Variants in ZBTB21 observed in about 807,000 individuals in gnomAD.
ZBTB21 encodes zinc finger and BTB domain containing 21.
A neutral mutation model predicts 39.8 loss-of-function variants in ZBTB21; 10 were observed. The observed-to-expected ratio is 0.25, with a 90% CI of 0.16 to 0.43. The LOEUF is 0.43. ZBTB21 is among the 20% of genes least tolerant of loss of function. The pLI, the probability that ZBTB21 is intolerant of heterozygous loss-of-function variation, is 1.00. For synonymous variants in ZBTB21, 551 were observed against 498.8 expected (o/e 1.10, Z -1.40); for missense variants, 1,221 against 1,296.3 (o/e 0.94, Z 0.89).
At chr21:41,994,887 A>G (rs423235) in intron 2 of ZBTB21, among the ~76,000 whole-genome samples, 46,857 of 152,002 alleles carry the variant, frequency 0.31, 7,622 homozygotes, top group Middle Eastern at 0.44. Flanking sequence ...TTCTCTTCTC[A>G]TGATAGTAAG....
rs1354325079 is a variant in ZBTB21 at position 41,988,217 on chromosome 21, C to A, written c.*2678G>T. On this transcript the variant is annotated 3_prime_UTR_variant, in exon 3 of 3. Transcript: ENST00000310826. ...CCTTCCTTCTCCCACATAAACGATT[C>A]AGTATCAAGTTCTCAGATTAACAAA... 1 of 152,102 alleles carries A rather than the reference C, an allele frequency of 6.6e-6. No individual in the cohort carries two copies. Among genetic ancestry groups the A allele is most frequent in the Admixed American group, 6.5e-5 (1 of 15,280 alleles). The allele number at this position is 152,102 out of a possible 1,614,324, so 9.4% of individuals were successfully genotyped here.
At chr21:42,008,067 T>C (rs1477949293) in intron 1 of ZBTB21, 1 of 152,294 alleles carries the variant, frequency 6.6e-6, no homozygotes, top group Non-Finnish European at 1.5e-5. Context: ...TGTCCTCACA[T>C]ATTCCCGATT....
intron 2 of ZBTB21, among the ~76,000 whole-genome samples, chr21:42,002,187 A>G (rs73365292): frequency 1.4e-3 from 216 of 152,326 alleles, no homozygotes; most frequent in African/African-American, 4.9e-3. Context: ...GGAGATGCAG[A>G]TCCCTCACCT....
chr21:42,001,113 G>C lies in ZBTB21; in HGVS notation c.-14+1784C>G, dbSNP rs2065811920. Among the ~76,000 whole-genome samples the C allele has an allele frequency of 2.0e-5, 3 of 152,326 alleles. No homozygotes were observed. The South Asian group carries it at 6.2e-4, about 32-fold the overall frequency. Reference sequence around the variant, plus strand: ...TTACAGATGAGAAAACTGAGGCACAGACGGTCAAGTAACATGCTCAACGTC... The same window carrying C: ...TTACAGATGAGAAAACTGAGGCACACACGGTCAAGTAACATGCTCAACGTC... On this transcript the variant is annotated intron_variant, in intron 2 of 2. Coordinates refer to ENST00000310826, the MANE Select transcript of ZBTB21 (RefSeq NM_001098402.2).
chr21:41,992,298 T>C lies in ZBTB21; in HGVS notation c.1798A>G (p.Ile600Val), dbSNP rs746009629. The C allele has an allele frequency of 1.9e-6, 3 of 1,614,250 alleles. No individual in the cohort carries two copies. Among genetic ancestry groups the C allele is most frequent in the East Asian group, 2.2e-5 (1 of 44,884 alleles). Residue 600 changes from isoleucine (I) to valine (V), a missense_variant, in exon 3 of 3, where the codon ATA becomes GTA. By Grantham distance (29) the Ile-to-Val change is conservative. Coordinates refer to ENST00000310826, the MANE Select transcript of ZBTB21 (RefSeq NM_001098402.2). This position sits in a 1 kb window ranked among gnomAD's most constrained non-coding sequence, Gnocchi z 4.1. ...VWTHCQTQHG[I>V]VKNPSPASSS... ...GAGGCTGGTGATGGGTTCTTCACTATGCCGTGTTGGGTCTGACAGTGTGTC... is the reference window on the plus strand; with the variant it reads ...GAGGCTGGTGATGGGTTCTTCACTACGCCGTGTTGGGTCTGACAGTGTGTC...
At position 41,992,062 on chromosome 21, in the gene ZBTB21, C is replaced by G. The variant is rs746169227; in HGVS notation, c.2034G>C (p.Ala678=). The G allele has an allele frequency of 2.5e-6, 4 of 1,614,214 alleles. No individual in the cohort carries two copies. In the East Asian group the frequency reaches 6.7e-5, roughly 27 times the overall value. The change falls in exon 3 of 3, where the codon GCG becomes GCC. Residue 678 remains alanine (A), a synonymous_variant. Coordinates refer to ENST00000310826, the MANE Select transcript of ZBTB21 (RefSeq NM_001098402.2). The surrounding 1 kb of genome is among the most constrained non-coding windows in gnomAD (Gnocchi z 4.1). ...GAYICTYCGK[A]YRFLSQFKQH... is the part of the protein sequence containing the mutation. Reference sequence around the variant, plus strand: ...GCTTAAATTGAGAGAGAAAGCGGTACGCTTTTCCGCAGTAAGTACAAATGT... The same window carrying G: ...GCTTAAATTGAGAGAGAAAGCGGTAGGCTTTTCCGCAGTAAGTACAAATGT...
intron 1 of ZBTB21, among the ~76,000 whole-genome samples, chr21:42,009,003 A>G (rs1425601962): frequency 6.6e-6 from 1 of 152,188 alleles, no homozygotes; most frequent in African/African-American, 2.4e-5. Context: ...TTCTTAAACA[A>G]GGTATGAGGA....
At chr21:42,001,916 C>G (rs553347211) in intron 2 of ZBTB21, among the ~76,000 whole-genome samples, 13 of 152,340 alleles carry the variant, frequency 8.5e-5, no homozygotes, top group African/African-American at 3.1e-4. Flanking sequence ...GCTGGCTGGG[C>G]TGCAGTACAT....
Position 41,993,050 on chromosome 21 carries a change from T to A in ZBTB21, c.1046A>T (p.Gln349Leu), listed in dbSNP as rs748660139. The change falls in exon 3 of 3, where the codon CAG (glutamine) becomes CTG (leucine). Residue 349 changes from glutamine (Q) to leucine (L), a missense_variant. Transcript: ENST00000310826. ...TATGGAAGGTGAATAGACAGGAACC[T>A]GGCTATCCATCGACAATGACCGTCT... is the stretch of plus-strand genomic sequence containing the variant. ...LLRRSLSMDS[Q>L]VPVYSPSIDL... is the part of the protein sequence containing the mutation. 19 of 1,614,258 alleles carry A rather than the reference T, an allele frequency of 1.2e-5. No individual in the cohort carries two copies. The highest frequency in any genetic ancestry group is 1.7e-6 in the Non-Finnish European group (2 of 1,180,052).
chr21:41,998,606 G>C (rs2146312135), intron 2 of ZBTB21, among the ~76,000 whole-genome samples: 1 of 152,230 alleles, frequency 6.6e-6, no homozygotes, highest in Non-Finnish European at 1.5e-5. Flanking sequence ...TCTCTAGCGG[G>C]CAAACTGTAG....
In ZBTB21 at chr21:41,993,067, T is replaced by G. The variant is rs761386141; in HGVS notation, c.1029A>C (p.Ser343=). 3.3e-5 allele frequency: 54 copies of G among 1,614,212 alleles called. No individual in the cohort carries two copies. The South Asian group carries it at 5.9e-4, about 18-fold the overall frequency. Residue 343 remains serine, a synonymous_variant, in exon 3 of 3, where the codon TCA becomes TCC. Transcript: ENST00000310826. Reference sequence around the variant, plus strand: ...CAGGAACCTGGCTATCCATCGACAATGACCGTCTGAGGAGACTCTTAACAA... The same window carrying G: ...CAGGAACCTGGCTATCCATCGACAAGGACCGTCTGAGGAGACTCTTAACAA... The part of the protein sequence containing the change: ...GPLVKSLLRR[S]LSMDSQVPVY...
intron 2 of ZBTB21, among the ~76,000 whole-genome samples, chr21:41,996,891 C>T (rs1210721806): frequency 6.6e-6 from 1 of 152,130 alleles, no homozygotes; most frequent in African/African-American, 2.4e-5. Context: ...ACGAGGAGTT[C>T]CCCTGCACAA....
At chr21:42,006,179 C>A (rs532241577) in intron 1 of ZBTB21, among the ~76,000 whole-genome samples, 1 of 152,288 alleles carries the variant, frequency 6.6e-6, no homozygotes, top group South Asian at 2.1e-4. Flanking sequence ...CTTTGGGAAG[C>A]CAAGGCGGGT....
rs567599231 is a variant in ZBTB21 at position 41,992,713 on chromosome 21, C to A, written c.1383G>T (p.Ser461=). ...AATTAAASSS[S]VTRDLSLKTE... ...TTTTCAGAGACAGGTCTCTTGTGAC[C>A]GACGAAGATGAGGCAGCTGCTGTTG... is the stretch of plus-strand genomic sequence containing the variant. The change falls in exon 3 of 3, where the codon TCG becomes TCT. Residue 461 remains serine (S), a synonymous_variant. Transcript: ENST00000310826. This position sits in a 1 kb window ranked among gnomAD's most constrained non-coding sequence, Gnocchi z 4.1. The A allele has an allele frequency of 1.9e-6, 3 of 1,614,096 alleles. No individual in the cohort carries two copies. The highest frequency in any genetic ancestry group is 2.7e-5 in the African/African-American group (2 of 74,992).
Position 41,994,096 on chromosome 21 carries a change from G to A in ZBTB21, c.-1C>T, listed in dbSNP as rs1388535089. ...TGATGTAATGCAGTAATCCCTCCAT[G>A]GCTTGAGTTTATCTAAAAGACAAAA... On this transcript the variant is annotated 5_prime_UTR_variant, in exon 3 of 3. Transcript: ENST00000310826. The A allele has an allele frequency of 6.4e-7, 1 of 1,562,144 alleles. No homozygotes were observed. Among genetic ancestry groups the A allele is most frequent in the Non-Finnish European group, 8.6e-7 (1 of 1,156,450 alleles).
intron 1 of ZBTB21, among the ~76,000 whole-genome samples, chr21:42,006,518 C>T: frequency 6.6e-6 from 1 of 151,988 alleles, no homozygotes; most frequent in East Asian, 1.9e-4. Context: ...AAGACCTAAC[C>T]TGCACATCTG....
intron 1 of ZBTB21, among the ~76,000 whole-genome samples, chr21:42,009,877 C>A (rs1203696658): frequency 6.6e-6 from 1 of 152,188 alleles, no homozygotes; most frequent in Non-Finnish European, 1.5e-5. Flanking sequence ...CGAGGCGTTT[C>A]AACCGCTCCG....
rs764464700 is a variant in ZBTB21, at chr21:41,992,748, C to T, written c.1348G>A (p.Asp450Asn). The T allele has an allele frequency of 6.8e-6, 11 of 1,614,180 alleles. No individual in the cohort carries two copies. The Admixed American group carries it at 1.8e-4, about 27-fold the overall frequency. ...GAGGCAGCTGCTGTTGTTGCCGCAT[C>T]TCCCACAGTGACGCGGATGATGTCC... ...PSDIIRVTVG[D>N]AATTAAASSS... The change falls in exon 3 of 3, where the codon GAT becomes AAT. Residue 450 changes from aspartate to asparagine, a missense_variant. Physicochemically the swap from Asp to Asn is conservative, Grantham distance 23. Transcript: ENST00000310826. The surrounding 1 kb of genome is among the most constrained non-coding windows in gnomAD (Gnocchi z 4.1).
chr21:42,000,036 T>C (rs371009135), intron 2 of ZBTB21, among the ~76,000 whole-genome samples: 89 of 152,264 alleles, frequency 5.8e-4, no homozygotes, highest in African/African-American at 2.0e-3. Flanking sequence ...TCCACTGTAA[T>C]GACCCAGATG....
Sources: gnomAD v4.1 joint callset for allele counts (sites outside exome capture counted in the v4.1 genomes callset) on GRCh38, gnomAD v4.1.1 for gene constraint, Gnocchi (gnomAD v3.1) non-coding constraint, MANE v1.5 for transcripts, NCBI Gene and HGNC (gene_info 2026-07-23, HGNC 2026-07-21) for gene names.